Variants in SCML4 observed in about 807,000 individuals in gnomAD.
The protein encoded by SCML4 is Scm polycomb group protein like 4, also known as sex comb on midleg-like protein 4.
Under a neutral mutation model 41.1 loss-of-function variants are expected in SCML4, and 34 were observed. The ratio of observed to expected loss-of-function variants is 0.83; its 90% confidence interval spans 0.63 to 1.10. The LOEUF is 1.10. SCML4 is among the 50% of genes least tolerant of loss of function. The pLI is 0.00. For missense variants in SCML4, 522 were observed against 534.1 expected, an observed-to-expected ratio of 0.98 and a Z score of 0.22; for synonymous variants, 214 against 220.9, an observed-to-expected ratio of 0.97 and a Z score of 0.28.
rs1774170346 is a variant in SCML4 at position 107,711,172 on chromosome 6, T to TCTA, written c.974-3162_974-3161insTAG. On this transcript the variant is annotated intron_variant, in intron 6 of 7. Coordinates refer to ENST00000369020, the MANE Select transcript of SCML4 (RefSeq NM_198081.5). The stretch of plus-strand genomic sequence containing the variant: ...CTGCTGGCTAGGACCAACCAAAACC[T>TCTA]GAGTCTTAACTGCCTGCTCTATAAA... 1.3e-5 allele frequency among the ~76,000 whole-genome samples: 2 copies of TCTA among 150,202 alleles called. 1 individual carries two copies.
At chr6:107,813,377 T>C (rs1477848122) in intron 1 of SCML4, among the ~76,000 whole-genome samples, 1 of 18,186 alleles carries the variant, frequency 5.5e-5, no homozygotes, top group African/African-American at 8.8e-5. Context: ...AAATTATATA[T>C]ATATATATAT....
intron 1 of SCML4, among the ~76,000 whole-genome samples, chr6:107,819,241 GTT>G (rs1784776414): frequency 1.3e-5 from 2 of 152,180 alleles, no homozygotes; most frequent in South Asian, 2.1e-4. Context: ...ACCCAGCCAA[GTT>G]GAGTATTCAT....
At position 107,768,556 on chromosome 6, in the gene SCML4, T is replaced by C. The variant is rs146407398; in HGVS notation, c.156+3616A>G. On this transcript the variant is annotated intron_variant, in intron 2 of 7. Coordinates refer to ENST00000369020, the MANE Select transcript of SCML4 (RefSeq NM_198081.5). ...GAAGCATAATTGCTATTCTGAACAA[T>C]AATACAAGGCGATGGCTGAGGAGCG... Among the ~76,000 whole-genome samples, 29 of 152,332 alleles carry C rather than the reference T, an allele frequency of 1.9e-4. No individual in the cohort carries two copies. In the East Asian group the frequency reaches 5.4e-3, roughly 28 times the overall value.
intron 6 of SCML4, chr6:107,720,176 C>T (rs916417429): frequency 2.2e-6 from 2 of 908,778 alleles, no homozygotes; most frequent in Non-Finnish European, 2.6e-6. Context: ...CCTACAGCTT[C>T]CAGAGTCCCT....
chr6:107,846,027 C>T, the SCML4 span, among the ~76,000 whole-genome samples: 34 of 152,244 alleles, frequency 2.2e-4, no homozygotes, highest in Non-Finnish European at 4.1e-4. Flanking sequence ...GCCAGCAGCC[C>T]GGAGCCGGCC....
Position 107,810,045 on chromosome 6 carries a change from A to C in SCML4, c.-60+14081T>G, listed in dbSNP as rs1050460099. 9.2e-5 allele frequency among the ~76,000 whole-genome samples: 14 copies of C among 152,268 alleles called. 1 individual carries two copies. Among genetic ancestry groups the C allele is most frequent in the African/African-American group, 3.1e-4 (13 of 41,526 alleles). On this transcript the variant is annotated intron_variant, in intron 1 of 7. Transcript: ENST00000369020. ...TCAGGGGAGAGGGCAGTTAGCAAAC[A>C]GAGAGAGGCTGGCTGCTCGTGAGCA...
intron 5 of SCML4, chr6:107,740,163 T>C (rs1018686094): frequency 2.1e-6 from 1 of 470,748 alleles, no homozygotes; most frequent in African/African-American, 2.0e-5. Flanking sequence ...CCTCCTGGAA[T>C]AAGATGTTAA....
chr6:107,841,173 G>A, the SCML4 span, among the ~76,000 whole-genome samples: 4 of 143,142 alleles, frequency 2.8e-5, no homozygotes, highest in Admixed American at 1.4e-4. Context: ...AAAAAAAAAT[G>A]AGCTAACTGG....
chr6:107,722,480 A>G (rs756125235), intron 5 of SCML4, among the ~76,000 whole-genome samples: 9 of 152,302 alleles, frequency 5.9e-5, no homozygotes, highest in Middle Eastern at 3.4e-3. Context: ...AATTATCTGT[A>G]TATTAGACAC....
chr6:107,737,299 G>A (rs1379255592), intron 5 of SCML4, among the ~76,000 whole-genome samples: 3 of 152,190 alleles, frequency 2.0e-5, no homozygotes, highest in Non-Finnish European at 4.4e-5. Context: ...GGGCACCAGA[G>A]ACCATGCTTC....
intron 1 of SCML4, among the ~76,000 whole-genome samples, chr6:107,789,632 C>T (rs1782167072): frequency 6.6e-6 from 1 of 152,240 alleles, no homozygotes; most frequent in Admixed American, 6.5e-5. Context: ...TAATCACAAA[C>T]ACAGAATCTC....
intron 7 of SCML4, 58 bp from the exon 8 acceptor site, chr6:107,705,383 AG>A: frequency 6.6e-7 from 1 of 1,517,842 alleles, no homozygotes; most frequent in East Asian, 2.5e-5. Context: ...GTCATCGAAC[AG>A]TGGCTAAGGT....
chr6:107,707,583 G>C (rs903403472), intron 7 of SCML4, among the ~76,000 whole-genome samples: 1 of 152,200 alleles, frequency 6.6e-6, no homozygotes, highest in Non-Finnish European at 1.5e-5. Flanking sequence ...TTCACAGACG[G>C]CTGGATGGGC....
At chr6:107,826,158 C>T (rs1202021882), upstream of SCML4, among the ~76,000 whole-genome samples, 8 of 151,124 alleles carry the variant, frequency 5.3e-5, no homozygotes, top group Admixed American at 2.0e-4. Context: ...GCAGGAGAAT[C>T]GCTTGAACCT....
At chr6:107,824,850 A>G (rs1333625186), upstream of SCML4, among the ~76,000 whole-genome samples, 1 of 152,192 alleles carries the variant, frequency 6.6e-6, no homozygotes, top group African/African-American at 2.4e-5. Context: ...CAATAGCATC[A>G]TTGTTCAGGA....
intron 1 of SCML4, among the ~76,000 whole-genome samples, chr6:107,789,439 G>A (rs1255255319): frequency 1.3e-5 from 2 of 152,134 alleles, no homozygotes; most frequent in African/African-American, 2.4e-5. Context: ...CTTTCCAGGC[G>A]GGTTCCTCTG....
intron 1 of SCML4, among the ~76,000 whole-genome samples, chr6:107,802,632 A>AAGGC: frequency 7.2e-6 from 1 of 138,292 alleles, no homozygotes. Flanking sequence ...GGAAGGAAGG[A>AAGGC]AGGAAAGAAA....
Position 107,720,900 on chromosome 6 carries a change from C to T in SCML4, c.776G>A (p.Gly259Asp), listed in dbSNP as rs770870403. 1.2e-6 allele frequency: 2 copies of T among 1,614,170 alleles called. No homozygotes were observed. Among genetic ancestry groups the T allele is most frequent in the Non-Finnish European group, 1.7e-6 (2 of 1,180,016 alleles). The change falls in exon 6 of 8, where the codon GGC (glycine) becomes GAC (aspartate). Residue 259 changes from glycine (G) to aspartate (D), a missense_variant. Physicochemically the swap from Gly to Asp is moderately conservative, Grantham distance 94 (BLOSUM62 -1). Coordinates refer to ENST00000369020, the MANE Select transcript of SCML4 (RefSeq NM_198081.5). ...DTSASTFNHR[G>D]SLHPSSSLYC... ...CAGCGAGGAGGAGGGGTGCAAGGAGCCCCTGTGGTTAAAGGTGGAGGCGGA... is the reference window on the plus strand; with the variant it reads ...CAGCGAGGAGGAGGGGTGCAAGGAGTCCCTGTGGTTAAAGGTGGAGGCGGA...
At chr6:107,726,484 G>T (rs530216098) in intron 5 of SCML4, among the ~76,000 whole-genome samples, 127 of 132,800 alleles carry the variant, frequency 9.6e-4, no homozygotes, top group African/African-American at 3.6e-3. Flanking sequence ...AGTGAGCTGA[G>T]ATCGTGCCAC....
Sources: allele counts gnomAD v4.1 joint callset (sites outside exome capture counted in the v4.1 genomes callset), GRCh38; gene constraint gnomAD v4.1.1; transcripts MANE v1.5; gene names NCBI Gene and HGNC (gene_info 2026-07-23, HGNC 2026-07-21).